COL8A2: variants seen among roughly 807,000 people sequenced by gnomAD.
COL8A2 encodes the protein collagen type VIII alpha 2 chain.
In COL8A2, 16 loss-of-function variants were observed where a neutral mutation model predicts 24.0. The observed-to-expected ratio is 0.67, with a 90% CI of 0.45 to 1.01. COL8A2 has a LOEUF of 1.01. Among genes scored for constraint, COL8A2 ranks in the 50% least tolerant of loss-of-function variants. The pLI, the probability that COL8A2 is intolerant of heterozygous loss-of-function variation, is 0.00. For synonymous variants in COL8A2, 466 were observed against 424.5 expected (o/e 1.10, Z -1.20); for missense variants, 818 against 942.4 (o/e 0.87, Z 1.73).
intron 2 of COL8A2, among the ~76,000 whole-genome samples, chr1:36,105,852 G>A (rs1290646258): frequency 1.3e-5 from 2 of 151,814 alleles, no homozygotes; most frequent in African/African-American, 4.8e-5. Flanking sequence ...AGGAGGCTGA[G>A]GCAGGAAGAT....
At position 36,097,307 on chromosome 1, in the gene COL8A2, GGGGCT is replaced by G; in HGVS notation, c.*257_*261del. 1 of 438,964 alleles carries G rather than the reference GGGGCT, an allele frequency of 2.3e-6. No individual in the cohort carries two copies. Among genetic ancestry groups the G allele is most frequent in the South Asian group, 2.9e-5 (1 of 34,278 alleles). 27.2% of individuals were successfully genotyped at this position (438,964 alleles called of 1,614,324 possible). On this transcript the variant is annotated 3_prime_UTR_variant, in exon 4 of 4. Transcript: ENST00000397799. Reference sequence around the variant, plus strand: ...GCCCAGCAGAGGCCAGGACTCACAAGGGGCTGGGCTGTGTGCCTCAGGGCCTATGG... The same window carrying G: ...GCCCAGCAGAGGCCAGGACTCACAAGGGGCTGTGTGCCTCAGGGCCTATGG...
chr1:36,118,381 G>A (rs1431285348), intron 1 of COL8A2, among the ~76,000 whole-genome samples: 2 of 152,200 alleles, frequency 1.3e-5, no homozygotes, highest in Admixed American at 1.3e-4. Context: ...CAACCTAGAT[G>A]GCACCAGGGA....
At chr1:36,117,295 C>T (rs1389832046) in intron 1 of COL8A2, among the ~76,000 whole-genome samples, 2 of 152,152 alleles carry the variant, frequency 1.3e-5, no homozygotes, top group East Asian at 3.8e-4. Context: ...GTAGGAGGAC[C>T]CTCCAGCTCA....
At chr1:36,120,794 AG>A (rs946590035) in intron 1 of COL8A2, among the ~76,000 whole-genome samples, 118 of 149,046 alleles carry the variant, frequency 7.9e-4, no homozygotes, top group Middle Eastern at 3.5e-3. Flanking sequence ...GAAGGAAGGA[AG>A]GAAGGAAGAA....
At chr1:36,100,863 T>C (rs1402964069) in intron 2 of COL8A2, among the ~76,000 whole-genome samples, 2 of 149,002 alleles carry the variant, frequency 1.3e-5, no homozygotes, top group Non-Finnish European at 2.9e-5. Flanking sequence ...ATCAAGTCTA[T>C]GGCGCTTAGC....
At chr1:36,109,982 T>G (rs1391471686) in intron 2 of COL8A2, among the ~76,000 whole-genome samples, 35 of 140,132 alleles carry the variant, frequency 2.5e-4, no homozygotes, top group Admixed American at 3.9e-4. Context: ...CAGACTGGAG[T>G]GCAGTGGCGC....
Position 36,115,831 on chromosome 1 carries a change from G to A in COL8A2, c.-61-79C>T, listed in dbSNP as rs890998519. The A allele has an allele frequency of 1.2e-6, 1 of 801,266 alleles. No homozygotes were observed. The highest frequency in any genetic ancestry group is 1.5e-6 in the Non-Finnish European group (1 of 661,852). 49.6% of individuals were successfully genotyped at this position (801,266 alleles called of 1,614,324 possible). On this transcript the variant is annotated intron_variant, in intron 1 of 3. Transcript: ENST00000397799. This position sits in a 1 kb window ranked among gnomAD's most constrained non-coding sequence, Gnocchi z 5.7. ...AATCCCAGCACTTTGGGAGGCTAAGGTGGGAAGACTGCTTGAGCCCAGGAG... is the reference window on the plus strand; with the variant it reads ...AATCCCAGCACTTTGGGAGGCTAAGATGGGAAGACTGCTTGAGCCCAGGAG...
rs564812119 is a variant in COL8A2 at position 36,121,563 on chromosome 1, C to A, written c.-62+3494G>T. 1.3e-4 allele frequency among the ~76,000 whole-genome samples: 19 copies of A among 151,242 alleles called. 1 individual carries two copies. In the East Asian group the frequency reaches 2.9e-3, roughly 23 times the overall value. On this transcript the variant is annotated intron_variant, in intron 1 of 3. Transcript: ENST00000397799. ...CTCTACTAAAAATACAAAAAATTAG[C>A]CGGGCATGGTGGTGGACGCCTATAA...
At chr1:36,101,172 G>A (rs1466951809) in intron 2 of COL8A2, among the ~76,000 whole-genome samples, 2 of 151,992 alleles carry the variant, frequency 1.3e-5, no homozygotes, top group African/African-American at 4.8e-5. Flanking sequence ...AGGATTACAG[G>A]CATGAGCCAC....
At chr1:36,101,050 C>T (rs1050679804) in intron 2 of COL8A2, among the ~76,000 whole-genome samples, 5 of 151,984 alleles carry the variant, frequency 3.3e-5, no homozygotes, top group Non-Finnish European at 7.4e-5. Context: ...TGTGCCACCA[C>T]GCCTGGCTAA....
Position 36,099,371 on chromosome 1 carries a change from T to C in COL8A2, c.310A>G (p.Lys104Glu), listed in dbSNP as rs764844074. The part of the protein sequence containing the change: ...PGFPGKPGMG[K>E]PGLHGQPGPA... ...CCAGGCTGCCCATGGAGTCCTGGCT[T>C]TCCCATGCCTGGTTTTCCTGGGAAG... Residue 104 changes from lysine (K) to glutamate (E), a missense_variant, in exon 4 of 4, where the codon AAG (lysine) becomes GAG (glutamate). By Grantham distance (56) the Lys-to-Glu change is moderately conservative. This residue lies in a region of COL8A2 where 573 missense variants were observed against 616.8 expected (regional missense o/e 0.93). Transcript: ENST00000397799. 1 of 1,575,166 alleles carries C rather than the reference T, an allele frequency of 6.3e-7. No individual in the cohort carries two copies. The highest frequency in any genetic ancestry group is 2.3e-5 in the East Asian group (1 of 43,646).
In COL8A2 at chr1:36,100,152, C is replaced by T. The variant is rs551963905; in HGVS notation, c.91G>A (p.Gly31Arg). 2.1e-5 allele frequency: 34 copies of T among 1,612,538 alleles called. No individual in the cohort carries two copies. In the East Asian group the frequency reaches 3.1e-4, roughly 15 times the overall value. ...GCGPRASSGG[G>R]AGGAAGYAPV... is the part of the protein sequence containing the mutation. ...GCATAGCCCGCCGCCCCACCGGCCCCGCCACCAGAGGACGCCCGCGGCCCA... is the reference window on the plus strand; with the variant it reads ...GCATAGCCCGCCGCCCCACCGGCCCTGCCACCAGAGGACGCCCGCGGCCCA... Residue 31 changes from glycine (G) to arginine (R), a missense_variant, in exon 3 of 4, where the codon GGG becomes AGG. Physicochemically the swap from Gly to Arg is moderately radical, Grantham distance 125. Coordinates refer to ENST00000397799, the MANE Select transcript of COL8A2 (RefSeq NM_005202.4).
intron 2 of COL8A2, among the ~76,000 whole-genome samples, chr1:36,114,737 C>G (rs1228713471): frequency 6.6e-6 from 1 of 152,116 alleles, no homozygotes; most frequent in Non-Finnish European, 1.5e-5. Flanking sequence ...CTCGATGAAG[C>G]CTGTAGCCTG....
In COL8A2 at chr1:36,096,355, C is replaced by A. The variant is rs274750; in HGVS notation, c.*1214G>T. The A allele has an allele frequency of 0.16, 24,140 of 152,238 alleles. 4,326 individuals carry two copies. The highest frequency in any genetic ancestry group is 0.52 in the East Asian group (2,664 of 5,172). 9.4% of individuals were successfully genotyped at this position (152,238 alleles called of 1,614,324 possible). The stretch of plus-strand genomic sequence containing the variant: ...GAAACGTCCAGAGCCAACTCATTCC[C>A]AAGGGACCTGTTGGCACCCTTTCTC... On this transcript the variant is annotated 3_prime_UTR_variant, in exon 4 of 4. Coordinates refer to ENST00000397799, the MANE Select transcript of COL8A2 (RefSeq NM_005202.4).
At chr1:36,111,112 A>G (rs984340188) in intron 2 of COL8A2, among the ~76,000 whole-genome samples, 1 of 150,388 alleles carries the variant, frequency 6.6e-6, no homozygotes, top group African/African-American at 2.5e-5. Context: ...GCCCCTCCAC[A>G]CCTCTTCCTC....
Position 36,105,267 on chromosome 1 carries a change from C to T in COL8A2, c.-16-5009G>A, listed in dbSNP as rs78411748. On this transcript the variant is annotated intron_variant, in intron 2 of 3. Transcript: ENST00000397799. ...TGTAACCTCAGATGGGCCATTTAAC[C>T]TTCCTGAGCTTCAGTATCATAGCAA... is the stretch of plus-strand genomic sequence containing the variant. Among the ~76,000 whole-genome samples the T allele has an allele frequency of 0.011, 1,698 of 152,306 alleles. 62 individuals are homozygous for T. The East Asian group carries it at 0.14, about 13-fold the overall frequency.
chr1:36,099,005 C>T lies in COL8A2; in HGVS notation c.676G>A (p.Gly226Ser), dbSNP rs759389508. Residue 226 changes from glycine to serine, a missense_variant, in exon 4 of 4, where the codon GGC becomes AGC. Around this residue, in one of 3 missense-constraint regions of COL8A2, gnomAD observed 573 missense variants for 616.8 expected, o/e 0.93. Coordinates refer to ENST00000397799, the MANE Select transcript of COL8A2 (RefSeq NM_005202.4). ...PGAPGQGGAP[G>S]PPGLPGPAGL... is the part of the protein sequence containing the mutation. ...GCTGGACCAGGGAGGCCGGGGGGGC[C>T]GGGGGCACCCCCCTGCCCTGGGGCC... 4 of 1,587,628 alleles carry T rather than the reference C, an allele frequency of 2.5e-6. No individual in the cohort carries two copies. The highest frequency in any genetic ancestry group is 3.4e-6 in the Non-Finnish European group (4 of 1,165,388).
chr1:36,104,716 AC>A (rs1643730755), intron 2 of COL8A2, among the ~76,000 whole-genome samples: 1 of 151,684 alleles, frequency 6.6e-6, no homozygotes, highest in African/African-American at 2.4e-5. Flanking sequence ...AATGGCATGA[AC>A]CCGGCAGGCG....
chr1:36,113,364 T>C (rs1243497821), intron 2 of COL8A2, among the ~76,000 whole-genome samples: 4 of 152,384 alleles, frequency 2.6e-5, no homozygotes, highest in Admixed American at 2.6e-4. Flanking sequence ...TCCCATGTCC[T>C]GTGCCTAGGT....
Sources: gnomAD v4.1 joint callset for allele counts (sites outside exome capture counted in the v4.1 genomes callset) on GRCh38, gnomAD v4.1.1 for gene constraint, gnomAD v4.1.1 regional missense constraint, Gnocchi (gnomAD v3.1) non-coding constraint, MANE v1.5 for transcripts, NCBI Gene and HGNC (gene_info 2026-07-23, HGNC 2026-07-21) for gene names.